LAMC2: variants seen among roughly 807,000 people sequenced by gnomAD.
LAMC2 encodes the protein laminin subunit gamma 2, also known as laminin subunit gamma-2.
Under a neutral mutation model 140.2 loss-of-function variants are expected in LAMC2, and 97 were observed. The observed-to-expected ratio is 0.69, with a 90% CI of 0.59 to 0.82. The LOEUF is 0.82. Among genes scored for constraint, LAMC2 ranks in the 40% least tolerant of loss-of-function variants. The pLI is 0.00. For missense variants in LAMC2, 1,402 were observed against 1,476.1 expected, an observed-to-expected ratio of 0.95 and a Z score of 0.82; for synonymous variants, 513 against 540.2, an observed-to-expected ratio of 0.95 and a Z score of 0.70.
In LAMC2 at chr1:183,199,417, C is replaced by G. The variant is rs535490777; in HGVS notation, c.80-8464C>G. On this transcript the variant is annotated intron_variant, in intron 1 of 22. Transcript: ENST00000264144. ...GTCAGACTGCCTATATTCCTTCCTT[C>G]CTTTCTCCTTCCTTCCTTCCTTCCT... 4.6e-5 allele frequency among the ~76,000 whole-genome samples: 7 copies of G among 151,316 alleles called. No homozygotes were observed. In the South Asian group the frequency reaches 1.5e-3, roughly 32 times the overall value.
chr1:183,243,078 G>T, intron 22 of LAMC2, 69 bp from the exon 23 acceptor site: 1 of 1,571,998 alleles, frequency 6.4e-7, no homozygotes, highest in Admixed American at 1.7e-5. Flanking sequence ...GGTATAGAAG[G>T]GCACGGGTGT....
intron 1 of LAMC2, among the ~76,000 whole-genome samples, chr1:183,198,176 T>C (rs1000730283): frequency 6.8e-6 from 1 of 148,118 alleles, no homozygotes; most frequent in Non-Finnish European, 1.5e-5. Context: ...AGAGTCTCAC[T>C]CTGTCGCCAG....
At chr1:183,243,031 A>G (rs1198490040) in intron 22 of LAMC2, 116 bp from the exon 23 acceptor site, 1 of 1,114,464 alleles carries the variant, frequency 9.0e-7, no homozygotes, top group African/African-American at 1.6e-5. Context: ...ATGGTATACT[A>G]TTTGCTCTAG....
At chr1:183,235,832 T>C in intron 16 of LAMC2, 102 bp downstream of exon 16, 7 of 1,208,602 alleles carry the variant, frequency 5.8e-6, no homozygotes, top group Non-Finnish European at 8.4e-6. Flanking sequence ...GTAAAAAACA[T>C]ATTATTAATG....
At chr1:183,220,656 A>T (rs1659438194) in intron 4 of LAMC2, among the ~76,000 whole-genome samples, 169 bp from the exon 5 acceptor site, 1 of 151,854 alleles carries the variant, frequency 6.6e-6, no homozygotes, top group African/African-American at 2.4e-5. Context: ...GTGATTGTCC[A>T]TCTGGTGGTC....
chr1:183,237,410 G>A lies in LAMC2; in HGVS notation c.2660G>A (p.Arg887Lys). The A allele has an allele frequency of 6.2e-7, 1 of 1,614,102 alleles. No individual in the cohort carries two copies. The highest frequency in any genetic ancestry group is 1.1e-5 in the South Asian group (1 of 91,076). Residue 887 changes from arginine (R) to lysine (K), a missense_variant, in exon 18 of 23, where the codon AGG becomes AAG. Physicochemically the swap from Arg to Lys is conservative, Grantham distance 26. Transcript: ENST00000264144. ...KADSLSSLVT[R>K]HMDEFKRTQK... ...GATTCACTCTCAAGCCTGGTAACCA[G>A]GCATATGGATGAGTTCAAGCGTACA...
At chr1:183,197,501 C>G (rs766954818) in intron 1 of LAMC2, among the ~76,000 whole-genome samples, 1 of 151,956 alleles carries the variant, frequency 6.6e-6, no homozygotes, top group Non-Finnish European at 1.5e-5. Context: ...AAGGTGAAAC[C>G]CTGTCTCTAC....
chr1:183,186,450 G>T lies in LAMC2; in HGVS notation c.79+19G>T. ...AGGGAAGGTGAGTCGGCTTCCACAA[G>T]GAAACATCTCAGCCCTGGGCTGAGA... On this transcript the variant is annotated intron_variant, in intron 1 of 22. Transcript: ENST00000264144. The T allele has an allele frequency of 6.2e-7, 1 of 1,601,252 alleles. No individual in the cohort carries two copies. The highest frequency in any genetic ancestry group is 8.5e-7 in the Non-Finnish European group (1 of 1,179,546).
At chr1:183,217,384 A>AAAGT (rs1659304702) in intron 3 of LAMC2, among the ~76,000 whole-genome samples, 1 of 149,274 alleles carries the variant, frequency 6.7e-6, no homozygotes, top group Non-Finnish European at 1.5e-5. Flanking sequence ...CAAACAAACA[A>AAAGT]AAGTCTATTA....
At chr1:183,237,730 T>TA (rs1178326202) in intron 18 of LAMC2, among the ~76,000 whole-genome samples, 1 of 151,818 alleles carries the variant, frequency 6.6e-6, no homozygotes, top group Non-Finnish European at 1.5e-5. Context: ...AAATAAAAAA[T>TA]AAAAAAATAG....
chr1:183,241,240 T>C, intron 22 of LAMC2: 1 of 851,530 alleles, frequency 1.2e-6, no homozygotes, highest in Non-Finnish European at 1.4e-6. Flanking sequence ...AGAGCAAGAC[T>C]GTCTCAAAAA....
intron 22 of LAMC2, among the ~76,000 whole-genome samples, chr1:183,241,839 C>T (rs1660143449): frequency 6.7e-6 from 1 of 150,080 alleles, no homozygotes; most frequent in African/African-American, 2.5e-5. Flanking sequence ...ACTTTAGCAG[C>T]GTTGTTTAGT....
At chr1:183,200,000 C>T (rs370393724) in intron 1 of LAMC2, among the ~76,000 whole-genome samples, 1 of 152,188 alleles carries the variant, frequency 6.6e-6, no homozygotes, top group South Asian at 2.1e-4. Context: ...TTGTCATTAC[C>T]GTTAAAGCAC....
chr1:183,239,587 T>C (rs1383006849), intron 20 of LAMC2, 24 bp downstream of exon 20: 9 of 1,591,712 alleles, frequency 5.7e-6, no homozygotes, highest in Non-Finnish European at 6.9e-6. Context: ...GACATGTGTG[T>C]TGGTGCCAGT....
rs1183465421 is a variant in LAMC2 at position 183,240,407 on chromosome 1, A to G, written c.3328+16A>G. 1 of 1,614,032 alleles carries G rather than the reference A, an allele frequency of 6.2e-7. No homozygotes were observed. Among genetic ancestry groups the G allele is most frequent in the Non-Finnish European group, 8.5e-7 (1 of 1,179,942 alleles). ...CATCTGATGGGTATGTGAACCCACA[A>G]CCCACAACCTTCCAGCTCCATGCTC... On this transcript the variant is annotated intron_variant, in intron 22 of 22. Coordinates refer to ENST00000264144, the MANE Select transcript of LAMC2 (RefSeq NM_005562.3).
intron 17 of LAMC2, 32 bp downstream of exon 17, chr1:183,236,636 C>G: frequency 6.2e-7 from 1 of 1,612,348 alleles, no homozygotes; most frequent in Non-Finnish European, 8.5e-7. Context: ...GCTTGATATA[C>G]AGGAGGGCCA....
chr1:183,239,948 T>G lies in LAMC2; in HGVS notation c.3070-92T>G. On this transcript the variant is annotated intron_variant, in intron 20 of 22. Transcript: ENST00000264144. ...CTAATTTACTCCATCAGGGCCCGGC[T>G]GCCGCTGTATTTTTTCTATGGTTGT... The G allele has an allele frequency of 5.0e-6, 7 of 1,396,390 alleles. No individual in the cohort carries two copies. The South Asian group carries it at 7.0e-5, about 14-fold the overall frequency. 86.5% of individuals were successfully genotyped at this position (1,396,390 alleles called of 1,614,324 possible).
chr1:183,191,632 C>A (rs909821008), intron 1 of LAMC2, among the ~76,000 whole-genome samples: 8 of 151,448 alleles, frequency 5.3e-5, no homozygotes, highest in Non-Finnish European at 1.0e-4. Context: ...CCGAGGCGGG[C>A]GGATTACCTG....
chr1:183,240,184 G>A lies in LAMC2; in HGVS notation c.3214G>A (p.Asp1072Asn). Residue 1072 changes from aspartate (D) to asparagine (N), a missense_variant, in exon 21 of 23, where the codon GAT (aspartate) becomes AAT (asparagine). By Grantham distance (23) the Asp-to-Asn change is conservative. Coordinates refer to ENST00000264144, the MANE Select transcript of LAMC2 (RefSeq NM_005562.3). ...GGAGCTGGAGTTTGACACGAATATG[G>A]ATGCAGTACAGATGGTGAGTTCCTG... Reference protein sequence around the residue: ...RKELEFDTNMDAVQMVITEAQ... With the variant: ...RKELEFDTNMNAVQMVITEAQ... The A allele has an allele frequency of 1.2e-6, 2 of 1,614,248 alleles. No individual in the cohort carries two copies. Among genetic ancestry groups the A allele is most frequent in the South Asian group, 1.1e-5 (1 of 91,088 alleles).
Sources: gnomAD v4.1 joint callset for allele counts (sites outside exome capture counted in the v4.1 genomes callset) on GRCh38, gnomAD v4.1.1 for gene constraint, MANE v1.5 for transcripts, NCBI Gene and HGNC (gene_info 2026-07-23, HGNC 2026-07-21) for gene names.